The following MECOM variants were observed in gnomAD, a reference collection of about 807,000 sequenced individuals.
MECOM encodes histone-lysine N-methyltransferase MECOM.
In MECOM, 13 loss-of-function variants were observed where a neutral mutation model predicts 116.3. The ratio of observed to expected loss-of-function variants is 0.11; its 90% CI spans 0.07 to 0.18. The LOEUF (loss-of-function observed/expected upper bound fraction) is 0.18. Ranked by LOEUF, MECOM falls within the 10% of genes least tolerant of loss-of-function variation. MECOM has a pLI of 1.00. For missense variants in MECOM, 1,299 were observed against 1,509.0 expected (o/e 0.86, Z 2.31); for synonymous variants, 528 against 535.2 (o/e 0.99, Z 0.19).
intron 2 of MECOM, among the ~76,000 whole-genome samples, chr3:169,271,917 CAAGGCCATTTTTCTGTGCTT>C (rs2149656688): frequency 6.6e-6 from 1 of 152,260 alleles, no homozygotes; most frequent in African/African-American, 2.4e-5. Flanking sequence ...TTAACACCAT[CAAGGCCATTTTTCTGTGCTT>C]AAGCTCATAC....
intron 1 of MECOM, among the ~76,000 whole-genome samples, chr3:169,641,350 C>T (rs1317422963): frequency 1.3e-5 from 2 of 152,148 alleles, no homozygotes; most frequent in Non-Finnish European, 1.5e-5. Flanking sequence ...CATAGCCACA[C>T]ATCTGGGTAG....
At chr3:169,357,008 C>T (rs952890924) in intron 2 of MECOM, among the ~76,000 whole-genome samples, 1 of 151,820 alleles carries the variant, frequency 6.6e-6, no homozygotes, top group African/African-American at 2.4e-5. Flanking sequence ...TCAAAATCTG[C>T]CAAATTTGAT....
chr3:169,446,360 A>T (rs763937161), intron 1 of MECOM, among the ~76,000 whole-genome samples: 1 of 152,154 alleles, frequency 6.6e-6, no homozygotes, highest in Non-Finnish European at 1.5e-5. Context: ...TGGGTTTATC[A>T]GGAGTTTCCG....
chr3:169,234,093 TG>T (rs1319614697), intron 2 of MECOM, among the ~76,000 whole-genome samples: 1 of 152,060 alleles, frequency 6.6e-6, no homozygotes, highest in Non-Finnish European at 1.5e-5. Context: ...CTTATAGAAA[TG>T]TTTATGGTAT....
intron 2 of MECOM, among the ~76,000 whole-genome samples, chr3:169,205,525 C>A (rs1400487781): frequency 2.0e-5 from 3 of 152,080 alleles, no homozygotes. Flanking sequence ...CACCGGGATC[C>A]CCTATATATT....
intron 2 of MECOM, among the ~76,000 whole-genome samples, chr3:169,181,318 A>T (rs991821343): frequency 2.6e-4 from 39 of 152,224 alleles, no homozygotes; most frequent in African/African-American, 7.7e-4. Flanking sequence ...ATTAAAATCA[A>T]AATTAATAGT....
intron 2 of MECOM, among the ~76,000 whole-genome samples, chr3:169,376,369 A>G (rs1299980393): frequency 6.6e-6 from 1 of 151,970 alleles, no homozygotes; most frequent in Non-Finnish European, 1.5e-5. Context: ...TATTCAAATA[A>G]GAAGAGAGGA....
intron 1 of MECOM, among the ~76,000 whole-genome samples, chr3:169,431,709 C>T (rs1452843249): frequency 6.6e-6 from 1 of 152,176 alleles, no homozygotes; most frequent in Non-Finnish European, 1.5e-5. Context: ...CAAATACACA[C>T]GGTTGTGAGA....
chr3:169,170,403 CAAAAAAA>C (rs71634426), intron 2 of MECOM, among the ~76,000 whole-genome samples: 10 of 74,370 alleles, frequency 1.3e-4, no homozygotes, highest in South Asian at 5.0e-4. Context: ...AAGACTCTGT[CAAAAAAA>C]AAAAAAAAAA....
intron 1 of MECOM, among the ~76,000 whole-genome samples, chr3:169,565,509 C>G (rs1220910877): frequency 6.6e-6 from 1 of 152,182 alleles, no homozygotes; most frequent in Non-Finnish European, 1.5e-5. Flanking sequence ...TTGGCTGGAC[C>G]TAAGGCTGCT....
intron 1 of MECOM, among the ~76,000 whole-genome samples, chr3:169,562,126 A>G (rs1762702247): frequency 7.5e-6 from 1 of 132,458 alleles, no homozygotes; most frequent in African/African-American, 2.9e-5. Flanking sequence ...AGCCTGGGTG[A>G]CAGAGCAATA....
At position 169,115,997 on chromosome 3, in the gene MECOM, A is replaced by G; in HGVS notation, c.1875T>C (p.Pro625=). Residue 625 remains proline, a synonymous_variant, in exon 8 of 17, where the codon CCT becomes CCC. Coordinates refer to ENST00000651503, the MANE Select transcript of MECOM (RefSeq NM_004991.4). ...TATTTATTGAAGCCAGATTCTGAAG[A>G]GGGCTTACTTTGTCTTTGAACATTT... ...NGKMFKDKVS[P]LQNLASINNK... is the part of the protein sequence containing the mutation. 1 of 1,614,176 alleles carries G rather than the reference A, an allele frequency of 6.2e-7. No individual in the cohort carries two copies. The highest frequency in any genetic ancestry group is 8.5e-7 in the Non-Finnish European group (1 of 1,180,030).
At chr3:169,340,294 A>T (rs1003542837) in intron 2 of MECOM, among the ~76,000 whole-genome samples, 1 of 152,186 alleles carries the variant, frequency 6.6e-6, no homozygotes, top group Non-Finnish European at 1.5e-5. Context: ...GGTTGCCGCT[A>T]CTGATCGATG....
chr3:169,204,308 G>A (rs13326508), intron 2 of MECOM, among the ~76,000 whole-genome samples: 12,094 of 152,162 alleles, frequency 0.079, 542 homozygotes, highest in South Asian at 0.2. Flanking sequence ...ATGGAGCTAC[G>A]TTTATAGAAT....
intron 1 of MECOM, among the ~76,000 whole-genome samples, chr3:169,582,449 G>A (rs1182793320): frequency 6.6e-6 from 1 of 152,184 alleles, no homozygotes; most frequent in East Asian, 1.9e-4. Context: ...TGAACGCAGA[G>A]TGGTTAAAGA....
rs911753859 is a variant in MECOM, at chr3:169,146,933, T to A, written c.376-3101A>T. 2.9e-6 allele frequency: 3 copies of A among 1,023,746 alleles called. No homozygotes were observed. In the Admixed American group the frequency reaches 1.5e-4, roughly 52 times the overall value. 63.4% of individuals were successfully genotyped at this position (1,023,746 alleles called of 1,614,324 possible). A position where few individuals can be genotyped will look rare whatever the true frequency, so the allele number is the denominator to read the frequency against. ...TCCAAATGGGTCTCTGACAACTTTGTCCGTCTCTAGGATCTGCTCTCCAGG... is the reference window on the plus strand; with the variant it reads ...TCCAAATGGGTCTCTGACAACTTTGACCGTCTCTAGGATCTGCTCTCCAGG... On this transcript the variant is annotated intron_variant, in intron 2 of 16. Transcript: ENST00000651503.
intron 1 of MECOM, among the ~76,000 whole-genome samples, chr3:169,593,500 A>T (rs1419183738): frequency 6.6e-6 from 1 of 152,182 alleles, no homozygotes; most frequent in African/African-American, 2.4e-5. Context: ...ACTATGGCCC[A>T]TGACATATTA....
rs151234904 is a variant in MECOM, at chr3:169,370,792, T to C, written c.375+10395A>G. Among the ~76,000 whole-genome samples the C allele has an allele frequency of 1.6e-3, 244 of 152,062 alleles. 1 individual carries two copies. Among genetic ancestry groups the C allele is most frequent in the Non-Finnish European group, 1.6e-4 (11 of 67,910 alleles). On this transcript the variant is annotated intron_variant, in intron 2 of 16. Coordinates refer to ENST00000651503, the MANE Select transcript of MECOM (RefSeq NM_004991.4). ...ATCAAGTATATGAAATGATACTGAA[T>C]ATCACTAGTCATCATGGAAACGCAA...
intron 2 of MECOM, among the ~76,000 whole-genome samples, chr3:169,300,413 G>A (rs955700480): frequency 1.1e-4 from 17 of 152,146 alleles, no homozygotes; most frequent in South Asian, 2.1e-4. Flanking sequence ...ATCTTGCGGC[G>A]TTTATCAAAT....
Sources: allele counts gnomAD v4.1 joint callset (sites outside exome capture counted in the v4.1 genomes callset), GRCh38; gene constraint gnomAD v4.1.1; transcripts MANE v1.5; gene names NCBI Gene and HGNC (gene_info 2026-07-23, HGNC 2026-07-21).